Variants in GABRA2 observed in about 807,000 individuals in gnomAD.
GABRA2 encodes the protein gamma-aminobutyric acid receptor subunit alpha-2.
A neutral mutation model predicts 48.7 loss-of-function variants in GABRA2; 16 were observed. The observed-to-expected ratio is 0.33, with a 90% CI of 0.22 to 0.50. The LOEUF is 0.50. GABRA2 is among the 20% of genes least tolerant of loss of function. The probability of loss-of-function intolerance (pLI) is 0.98; values close to 1 mark genes in which losing one functional copy is unlikely to be tolerated. For missense variants in GABRA2, 275 were observed against 535.6 expected, an observed-to-expected ratio of 0.51 and a Z score of 4.80; for synonymous variants, 185 against 184.5, an observed-to-expected ratio of 1.00 and a Z score of -0.02.
chr4:46,296,106 G>C (rs1724595405), intron 8 of GABRA2, among the ~76,000 whole-genome samples: 1 of 152,114 alleles, frequency 6.6e-6, no homozygotes, highest in Admixed American at 6.5e-5. Flanking sequence ...ACTTTGCAGG[G>C]CTGGGGCAAA....
At chr4:46,265,458 AATAT>A (rs1208615134) in intron 8 of GABRA2, among the ~76,000 whole-genome samples, 1 of 131,516 alleles carries the variant, frequency 7.6e-6, no homozygotes, top group East Asian at 2.1e-4. Flanking sequence ...GTATATATAT[AATAT>A]ATATATAATA....
chr4:46,338,837 G>A (rs1349940639), intron 3 of GABRA2, among the ~76,000 whole-genome samples: 2 of 151,820 alleles, frequency 1.3e-5, no homozygotes, highest in Non-Finnish European at 2.9e-5. Context: ...TTTTCTTGGA[G>A]TTTGAGAGTA....
chr4:46,375,187 A>G (rs1006786010), intron 3 of GABRA2, among the ~76,000 whole-genome samples: 1 of 152,158 alleles, frequency 6.6e-6, no homozygotes, highest in African/African-American at 2.4e-5. Flanking sequence ...TCTGATGATA[A>G]GTTGATATCC....
intron 8 of GABRA2, among the ~76,000 whole-genome samples, chr4:46,295,703 C>G (rs568025375): frequency 6.6e-6 from 1 of 152,310 alleles, no homozygotes; most frequent in Admixed American, 6.5e-5. Context: ...GCTCTGAGCC[C>G]TCGATGTGGC....
At position 46,377,532 on chromosome 4, in the gene GABRA2, C is replaced by T. The variant is rs1221188338; in HGVS notation, c.187+8542G>A. Among the ~76,000 whole-genome samples, 36 of 147,318 alleles carry T rather than the reference C, an allele frequency of 2.4e-4. 1 individual carries two copies. Among genetic ancestry groups the T allele is most frequent in the Middle Eastern group, 3.7e-3 (1 of 268 alleles). ...CCGTCTGAGAAGTGAGGAGCCCCTC[C>T]GCCCAGCAGCCACCCCGTCTGGGAA... On this transcript the variant is annotated intron_variant, in intron 3 of 9. Coordinates refer to ENST00000381620, the MANE Select transcript of GABRA2 (RefSeq NM_000807.4).
chr4:46,375,832 A>AT (rs1392576544), intron 3 of GABRA2, among the ~76,000 whole-genome samples: 1 of 152,234 alleles, frequency 6.6e-6, no homozygotes, highest in Non-Finnish European at 1.5e-5. Context: ...TCGTGATAGT[A>AT]TTTCCAGCAT....
chr4:46,314,587 A>G (rs1728225113), intron 4 of GABRA2, among the ~76,000 whole-genome samples: 1 of 152,084 alleles, frequency 6.6e-6, no homozygotes, highest in African/African-American at 2.4e-5. Context: ...ACTATCATCC[A>G]GAGAGTTAGC....
intron 3 of GABRA2, among the ~76,000 whole-genome samples, chr4:46,370,374 T>G (rs1044185866): frequency 6.6e-6 from 1 of 151,360 alleles, no homozygotes; most frequent in Non-Finnish European, 1.5e-5. Flanking sequence ...GAAAAAAAAC[T>G]GATAAAGAAC....
intron 3 of GABRA2, among the ~76,000 whole-genome samples, chr4:46,354,185 T>A (rs1302085394): frequency 6.6e-6 from 1 of 152,108 alleles, no homozygotes; most frequent in Non-Finnish European, 1.5e-5. Context: ...TTTAAAAAAG[T>A]TTGTTACTTG....
chr4:46,265,035 A>C (rs1404538712), intron 8 of GABRA2, among the ~76,000 whole-genome samples: 1 of 147,304 alleles, frequency 6.8e-6, no homozygotes, highest in African/African-American at 2.5e-5. Context: ...AGAGAGAGAG[A>C]GAGAGAGAGA....
At chr4:46,347,404 A>T (rs1227619788) in intron 3 of GABRA2, among the ~76,000 whole-genome samples, 1 of 151,974 alleles carries the variant, frequency 6.6e-6, no homozygotes, top group African/African-American at 2.4e-5. Context: ...TATATCAACC[A>T]ATGGAATAGG....
At position 46,250,568 on chromosome 4, in the gene GABRA2, C is replaced by T. The variant is rs370917838; in HGVS notation, c.1096G>A (p.Ala366Thr). ...TAATTGGCAACAGCCACTGCATAAGCGTTGTTCTGTATCATAACGGAAGCC... is the reference window on the plus strand; with the variant it reads ...TAATTGGCAACAGCCACTGCATAAGTGTTGTTCTGTATCATAACGGAAGCC... The part of the protein sequence containing the change: ...EKASVMIQNN[A>T]YAVAVANYAP... Residue 366 changes from alanine (A) to threonine (T), a missense_variant, in exon 10 of 10, where the codon GCT (alanine) becomes ACT (threonine). By Grantham distance (58) the Ala-to-Thr change is moderately conservative (BLOSUM62 0). Coordinates refer to ENST00000381620, the MANE Select transcript of GABRA2 (RefSeq NM_000807.4). 22 of 1,610,748 alleles carry T rather than the reference C, an allele frequency of 1.4e-5. No homozygotes were observed. Among genetic ancestry groups the T allele is most frequent in the Non-Finnish European group, 1.8e-5 (21 of 1,178,142 alleles).
chr4:46,323,402 AT>A lies in GABRA2; in HGVS notation c.255+9212del, dbSNP rs1174060770. On this transcript the variant is annotated intron_variant, in intron 4 of 9. Coordinates refer to ENST00000381620, the MANE Select transcript of GABRA2 (RefSeq NM_000807.4). The stretch of plus-strand genomic sequence containing the variant: ...CAATCCTCATTTGTTCTTCTCAGAT[AT>A]CTTTTTTTTCCCTAAAAACCGTACC... 6.6e-5 allele frequency among the ~76,000 whole-genome samples: 7 copies of A among 106,812 alleles called. No individual in the cohort carries two copies. In the East Asian group the frequency reaches 2.0e-3, roughly 30 times the overall value. The allele number at this position is 106,812 out of a possible 152,430, so 70.1% of individuals were successfully genotyped here.
At chr4:46,282,017 G>A (rs1183964798) in intron 8 of GABRA2, among the ~76,000 whole-genome samples, 2 of 152,170 alleles carry the variant, frequency 1.3e-5, no homozygotes, top group Non-Finnish European at 2.9e-5. Context: ...GGCAGAGTAT[G>A]TCGGCATAGG....
At chr4:46,257,868 G>A (rs1015171866) in intron 9 of GABRA2, among the ~76,000 whole-genome samples, 1 of 151,716 alleles carries the variant, frequency 6.6e-6, no homozygotes, top group Non-Finnish European at 1.5e-5. Context: ...ACTAGATGTT[G>A]AGCGATACTT....
rs1239414417 is a variant in GABRA2, at chr4:46,246,850, G to C, written c.*3458C>G. ...GATGCCAAAGAACCATGATAATGCA[G>C]AAGGTGACTTGAGCTACTTCCTTTC... is the stretch of plus-strand genomic sequence containing the variant. On this transcript the variant is annotated 3_prime_UTR_variant, in exon 10 of 10. Coordinates refer to ENST00000381620, the MANE Select transcript of GABRA2 (RefSeq NM_000807.4). Among the ~76,000 whole-genome samples the C allele has an allele frequency of 6.6e-6, 1 of 151,132 alleles. No individual in the cohort carries two copies. The highest frequency in any genetic ancestry group is 1.5e-5 in the Non-Finnish European group (1 of 67,418).
chr4:46,329,179 G>C (rs925085442), intron 4 of GABRA2, among the ~76,000 whole-genome samples: 1 of 152,056 alleles, frequency 6.6e-6, no homozygotes, highest in Admixed American at 6.6e-5. Flanking sequence ...TCAGCTATCT[G>C]TGTACTGCCT....
At chr4:46,328,872 T>C (rs962382595) in intron 4 of GABRA2, among the ~76,000 whole-genome samples, 3 of 152,070 alleles carry the variant, frequency 2.0e-5, no homozygotes, top group African/African-American at 4.8e-5. Flanking sequence ...CCAGTAAAAC[T>C]AATATCAACA....
At chr4:46,262,979 G>A (rs572218997) in intron 8 of GABRA2, among the ~76,000 whole-genome samples, 3 of 147,280 alleles carry the variant, frequency 2.0e-5, no homozygotes, top group Non-Finnish European at 3.0e-5. Context: ...AGAGAGAGAG[G>A]GAGGGAGGGA....
Sources: allele counts gnomAD v4.1 joint callset (sites outside exome capture counted in the v4.1 genomes callset), GRCh38; gene constraint gnomAD v4.1.1; transcripts MANE v1.5; gene names NCBI Gene and HGNC (gene_info 2026-07-23, HGNC 2026-07-21).